R3HDM2: variants seen among roughly 807,000 people sequenced by gnomAD.
The protein encoded by R3HDM2 is R3H domain containing 2, also known as R3H domain-containing protein 2.
In R3HDM2, 38 loss-of-function variants were observed where a neutral mutation model predicts 124.5. The ratio of observed to expected loss-of-function variants is 0.31; its 90% CI spans 0.24 to 0.40. The LOEUF is 0.40. R3HDM2 is among the 10% of genes least tolerant of loss of function. The pLI is 1.00. For missense variants in R3HDM2, 869 were observed against 1,236.9 expected, an observed-to-expected ratio of 0.70 and a Z score of 4.46; for synonymous variants, 391 against 448.0, an observed-to-expected ratio of 0.87 and a Z score of 1.61.
intron 1 of R3HDM2, among the ~76,000 whole-genome samples, chr12:57,426,691 T>C (rs2070770032): frequency 6.6e-6 from 1 of 152,170 alleles, no homozygotes; most frequent in Non-Finnish European, 1.5e-5. Flanking sequence ...TACCAAAGAC[T>C]TCCACACTCC....
intron 2 of R3HDM2, among the ~76,000 whole-genome samples, chr12:57,319,534 G>A (rs1243574256): frequency 4.3e-5 from 2 of 46,424 alleles, no homozygotes; most frequent in African/African-American, 1.1e-4. Flanking sequence ...ACCGGCCCCT[G>A]TTTAGCCTTC....
intron 2 of R3HDM2, among the ~76,000 whole-genome samples, chr12:57,318,214 C>T (rs1393281580): frequency 1.3e-5 from 2 of 151,524 alleles, no homozygotes. Context: ...ATAGCTTGAA[C>T]CCAGGAAGAG....
chr12:57,264,027 G>T (rs2041591734), intron 19 of R3HDM2, among the ~76,000 whole-genome samples: 1 of 152,154 alleles, frequency 6.6e-6, no homozygotes, highest in South Asian at 2.1e-4. Context: ...GGCAGATCAT[G>T]AGGTCAGGAG....
chr12:57,349,240 C>G (rs762177266), intron 2 of R3HDM2, among the ~76,000 whole-genome samples: 196 of 151,280 alleles, frequency 1.3e-3, no homozygotes, highest in Non-Finnish European at 4.4e-4. Context: ...ATTAGCCGGG[C>G]GTGGTGGCAG....
intron 2 of R3HDM2, among the ~76,000 whole-genome samples, chr12:57,380,808 A>C (rs1049217703): frequency 6.6e-6 from 1 of 151,978 alleles, no homozygotes; most frequent in Non-Finnish European, 1.5e-5. Flanking sequence ...ACAACATATC[A>C]AGACCGAAAC....
At chr12:57,323,873 T>C (rs998121988) in intron 2 of R3HDM2, among the ~76,000 whole-genome samples, 2 of 152,178 alleles carry the variant, frequency 1.3e-5, no homozygotes, top group African/African-American at 2.4e-5. Context: ...CAGAGGGTCC[T>C]TTCCCTCTAA....
intron 2 of R3HDM2, among the ~76,000 whole-genome samples, chr12:57,364,006 A>G (rs1593958411): frequency 1.3e-5 from 2 of 152,248 alleles, no homozygotes; most frequent in South Asian, 4.1e-4. Flanking sequence ...TTTTAGGTTG[A>G]TAGGTTTTTT....
chr12:57,367,701 T>A (rs1450923446), intron 2 of R3HDM2, among the ~76,000 whole-genome samples: 1 of 152,220 alleles, frequency 6.6e-6, no homozygotes, highest in Non-Finnish European at 1.5e-5. Flanking sequence ...GTCCAATATC[T>A]GAAAACATTT....
intron 1 of R3HDM2, among the ~76,000 whole-genome samples, chr12:57,418,979 A>C (rs530690182): frequency 1.3e-5 from 2 of 152,284 alleles, no homozygotes; most frequent in East Asian, 3.9e-4. Context: ...AATACAAAAT[A>C]ATCATTTCAT....
intron 3 of R3HDM2, among the ~76,000 whole-genome samples, chr12:57,306,275 C>T (rs562543605): frequency 1.3e-5 from 2 of 152,322 alleles, no homozygotes; most frequent in South Asian, 4.2e-4. Context: ...CAGTAAGACA[C>T]ACAGAATGTT....
At chr12:57,336,442 A>G (rs75689779) in intron 2 of R3HDM2, among the ~76,000 whole-genome samples, 432 of 152,314 alleles carry the variant, frequency 2.8e-3, no homozygotes, top group African/African-American at 0.01. Context: ...CAGACTGGAT[A>G]AAGAAAATGT....
At position 57,318,562 on chromosome 12, in the gene R3HDM2, C is replaced by T. The variant is rs567702715; in HGVS notation, c.-35-8099G>A. 6.6e-5 allele frequency among the ~76,000 whole-genome samples: 10 copies of T among 151,696 alleles called. No homozygotes were observed. In the South Asian group the frequency reaches 1.2e-3, roughly 19 times the overall value. On this transcript the variant is annotated intron_variant, in intron 2 of 23. Coordinates refer to ENST00000402412, the MANE Select transcript of R3HDM2 (RefSeq NM_001394031.1). ...TCTCAGGAGCCTGAGGCAGAAGAAT[C>T]GCTTGAACCTGGGAGGCGGAGGTTG...
At chr12:57,263,670 T>C (rs1471374005) in intron 19 of R3HDM2, among the ~76,000 whole-genome samples, 2 of 152,172 alleles carry the variant, frequency 1.3e-5, no homozygotes, top group African/African-American at 2.4e-5. Context: ...GGTTTTGCCA[T>C]GTTGGCCAGG....
intron 2 of R3HDM2, among the ~76,000 whole-genome samples, chr12:57,355,292 C>CT (rs2061141071): frequency 6.6e-6 from 1 of 150,822 alleles, no homozygotes; most frequent in Non-Finnish European, 1.5e-5. Flanking sequence ...CCCGTCTCTA[C>CT]TAAAAATACA....
intron 2 of R3HDM2, among the ~76,000 whole-genome samples, chr12:57,318,602 C>T (rs955428098): frequency 6.6e-6 from 1 of 150,394 alleles, no homozygotes; most frequent in Non-Finnish European, 1.5e-5. Flanking sequence ...GAGCTGAGAT[C>T]GTGCCACCGC....
rs1433435357 is a variant in R3HDM2, at chr12:57,430,288, C to G, written c.-106+432G>C. Among the ~76,000 whole-genome samples the G allele has an allele frequency of 2.0e-5, 3 of 152,154 alleles. No individual in the cohort carries two copies. In the East Asian group the frequency reaches 5.8e-4, roughly 29 times the overall value. On this transcript the variant is annotated intron_variant, in intron 1 of 23. Coordinates refer to ENST00000402412, the MANE Select transcript of R3HDM2 (RefSeq NM_001394031.1). The stretch of plus-strand genomic sequence containing the variant: ...AAACATCTCCCTGTATGTGCCAACT[C>G]AAATCCCCGTCCCTGTAAGAAACCT...
intron 1 of R3HDM2, among the ~76,000 whole-genome samples, chr12:57,419,402 C>A (rs971863159): frequency 9.5e-4 from 144 of 152,048 alleles, no homozygotes; most frequent in African/African-American, 3.4e-3. Context: ...CTCAGCCTCC[C>A]AAAGTGCTGA....
In R3HDM2 at chr12:57,256,106, T is replaced by C. The variant is rs200185011; in HGVS notation, c.2548-32A>G. ...CATTTGAAAGACGACTCTCATCCCATGTAAACAACATTGACTGCCTTGCAT... is the reference window on the plus strand; with the variant it reads ...CATTTGAAAGACGACTCTCATCCCACGTAAACAACATTGACTGCCTTGCAT... On this transcript the variant is annotated intron_variant, in intron 22 of 23. Transcript: ENST00000402412. The C allele has an allele frequency of 2.5e-5, 39 of 1,587,112 alleles. No individual in the cohort carries two copies. In the Admixed American group the frequency reaches 3.3e-4, roughly 14 times the overall value.
intron 2 of R3HDM2, among the ~76,000 whole-genome samples, chr12:57,366,830 C>T (rs752506316): frequency 6.6e-6 from 1 of 152,134 alleles, no homozygotes; most frequent in African/African-American, 2.4e-5. Context: ...GCTGGGACTA[C>T]GGGCGCCCGC....
Sources: allele counts gnomAD v4.1 joint callset (sites outside exome capture counted in the v4.1 genomes callset), GRCh38; gene constraint gnomAD v4.1.1; transcripts MANE v1.5; gene names NCBI Gene and HGNC (gene_info 2026-07-23, HGNC 2026-07-21).